The following LRPAP1 variants were observed in gnomAD, a reference collection of about 807,000 sequenced individuals.
LRPAP1 encodes the protein LDL receptor related protein associated protein 1.
In LRPAP1, 41 loss-of-function variants were observed where a neutral mutation model predicts 39.9. The ratio of observed to expected loss-of-function variants is 1.03; its 90% CI spans 0.80 to 1.33. LRPAP1 has a LOEUF of 1.33. Among genes scored for constraint, LRPAP1 ranks in the 40% most tolerant of loss-of-function variants. LRPAP1 has a pLI of 0.00. For missense variants in LRPAP1, 565 were observed against 482.3 expected, an observed-to-expected ratio of 1.17 and a Z score of -1.61; for synonymous variants, 263 against 212.7, an observed-to-expected ratio of 1.24 and a Z score of -2.06.
Position 3,507,259 on chromosome 4 carries a change from A to G in LRPAP1, c.*5715T>C, listed in dbSNP as rs2108683838. On this transcript the variant is annotated 3_prime_UTR_variant, in exon 8 of 8. Coordinates refer to ENST00000650182, the MANE Select transcript of LRPAP1 (RefSeq NM_002337.4). ...AGATTTCCAAGACCCAGTTTTTTAA[A>G]TAGGCAAAAGAATTAAGTAGGCCCT... 1 of 152,306 alleles carries G rather than the reference A, an allele frequency of 6.6e-6. No homozygotes were observed. Among genetic ancestry groups the G allele is most frequent in the South Asian group, 2.1e-4 (1 of 4,822 alleles). The allele number at this position is 152,306 out of a possible 1,614,324, so 9.4% of individuals were successfully genotyped here.
chr4:3,518,932 C>A lies in LRPAP1; in HGVS notation c.531G>T (p.Leu177=), dbSNP rs1729818693. The A allele has an allele frequency of 6.2e-7, 1 of 1,614,038 alleles. No individual in the cohort carries two copies. Among genetic ancestry groups the A allele is most frequent in the African/African-American group, 1.3e-5 (1 of 75,040 alleles). Residue 177 remains leucine (L), a synonymous_variant, in exon 4 of 8, where the codon CTG becomes CTT. Transcript: ENST00000650182. ...ACTCGTGAACTTTCTCTTTGTGATG[C>A]AGGAACTCCCGCCAGAGCTTGTCCA... ...EELDKLWREF[L]HHKEKVHEYN...
At position 3,504,052 on chromosome 4, in the gene LRPAP1, A is replaced by G. The variant is rs551505993; in HGVS notation, c.*8922T>C. On this transcript the variant is annotated 3_prime_UTR_variant, in exon 8 of 8. Transcript: ENST00000650182. ...CCAGCCCAGCCTCAGGTGAGAGTGAAGGGAGCACCTATCTGCAGCAAGCTG... is the reference window on the plus strand; with the variant it reads ...CCAGCCCAGCCTCAGGTGAGAGTGAGGGGAGCACCTATCTGCAGCAAGCTG... The G allele has an allele frequency of 6.6e-6, 1 of 152,566 alleles. No individual in the cohort carries two copies. Among genetic ancestry groups the G allele is most frequent in the South Asian group, 2.1e-4 (1 of 4,832 alleles). 9.5% of individuals were successfully genotyped at this position (152,566 alleles called of 1,614,324 possible).
chr4:3,518,974 T>C lies in LRPAP1; in HGVS notation c.489A>G (p.Lys163=), dbSNP rs778333388. Residue 163 remains lysine, a synonymous_variant, in exon 4 of 8, where the codon AAA becomes AAG. Transcript: ENST00000650182. ...KLWHKAKTSG[K]FSGEELDKLW... ...GCTTGTCCAGTTCTTCGCCGGAGAA[T>C]TTCCCAGAGGTCTTCGCCTAAGAGG... 4.3e-5 allele frequency: 70 copies of C among 1,613,902 alleles called. No homozygotes were observed. Among genetic ancestry groups the C allele is most frequent in the Non-Finnish European group, 5.4e-5 (64 of 1,179,966 alleles).
chr4:3,522,489 T>C (rs1262664760), intron 2 of LRPAP1, among the ~76,000 whole-genome samples: 1 of 69,988 alleles, frequency 1.4e-5, no homozygotes, highest in African/African-American at 4.3e-5. Flanking sequence ...CTGGGGAGGA[T>C]GAACACGGCC....
chr4:3,519,643 G>A (rs2108691001), intron 3 of LRPAP1, among the ~76,000 whole-genome samples: 1 of 152,310 alleles, frequency 6.6e-6, no homozygotes, highest in African/African-American at 2.4e-5. Flanking sequence ...GGGTCCCAGC[G>A]CCTGGCCCCG....
At position 3,505,839 on chromosome 4, in the gene LRPAP1, G is replaced by A. The variant is rs1454009105; in HGVS notation, c.*7135C>T. 3.9e-5 allele frequency among the ~76,000 whole-genome samples: 6 copies of A among 152,216 alleles called. No homozygotes were observed. Among genetic ancestry groups the A allele is most frequent in the Non-Finnish European group, 8.8e-5 (6 of 68,044 alleles). ...GAGCTGGAAGCCATCAAGTTCCTGG[G>A]TAGAGATGACCTTTCAGATGGATGC... On this transcript the variant is annotated 3_prime_UTR_variant, in exon 8 of 8. Transcript: ENST00000650182.
chr4:3,528,793 G>A (rs894985815), intron 1 of LRPAP1, among the ~76,000 whole-genome samples: 2 of 152,288 alleles, frequency 1.3e-5, no homozygotes, highest in East Asian at 1.9e-4. Context: ...GGGCACAGCC[G>A]TACCCGCCTT....
At position 3,518,071 on chromosome 4, in the gene LRPAP1, C is replaced by A; in HGVS notation, c.714G>T (p.Leu238=). The A allele has an allele frequency of 6.2e-7, 1 of 1,612,442 alleles. No homozygotes were observed. The highest frequency in any genetic ancestry group is 8.5e-7 in the Non-Finnish European group (1 of 1,179,776). ...LRSINQGLDR[L]RRVSHQGYST... is the part of the protein sequence containing the mutation. ...TGTAGCCCTGGTGGCTGACCCTGCG[C>A]AGGCGGTCCAGGCCCTGGTTGATGC... The change falls in exon 5 of 8, where the codon CTG becomes CTT. Residue 238 remains leucine, a synonymous_variant. Transcript: ENST00000650182.
At chr4:3,525,764 G>A (rs1179968769) in intron 1 of LRPAP1, among the ~76,000 whole-genome samples, 1 of 152,226 alleles carries the variant, frequency 6.6e-6, no homozygotes, top group Admixed American at 6.5e-5. Flanking sequence ...CTGGGACCCT[G>A]GGTGAGAGAA....
intron 1 of LRPAP1, among the ~76,000 whole-genome samples, chr4:3,526,089 C>T (rs1006360353): frequency 6.6e-6 from 1 of 152,260 alleles, no homozygotes; most frequent in African/African-American, 2.4e-5. Context: ...GGTGCTGTCC[C>T]TGGCTAACTG....
intron 2 of LRPAP1, among the ~76,000 whole-genome samples, chr4:3,520,742 C>A (rs1387517502): frequency 6.6e-6 from 1 of 152,238 alleles, no homozygotes; most frequent in Non-Finnish European, 1.5e-5. Context: ...GGAGAAACGT[C>A]AGTGTCAGCA....
intron 2 of LRPAP1, among the ~76,000 whole-genome samples, chr4:3,524,021 G>C (rs948683710): frequency 6.6e-6 from 1 of 152,184 alleles, no homozygotes; most frequent in Non-Finnish European, 1.5e-5. Flanking sequence ...AGGGGCAGCA[G>C]TTGGGTGGAG....
chr4:3,525,222 A>C, intron 1 of LRPAP1, 171 bp from the exon 2 acceptor site: 1 of 680,382 alleles, frequency 1.5e-6, no homozygotes, highest in Non-Finnish European at 2.6e-6. Context: ...ACAAGAACTC[A>C]ACATGGACAC....
At chr4:3,532,122 G>A in intron 1 of LRPAP1, 87 bp downstream of exon 1, 2 of 1,388,974 alleles carry the variant, frequency 1.4e-6, no homozygotes, top group Non-Finnish European at 2.0e-6. Flanking sequence ...GCCCCCCTCC[G>A]CCTCCGACCC....
At chr4:3,528,304 G>A (rs553516415) in intron 1 of LRPAP1, among the ~76,000 whole-genome samples, 5 of 152,184 alleles carry the variant, frequency 3.3e-5, no homozygotes, top group Non-Finnish European at 7.3e-5. Context: ...AAACGACGCC[G>A]GTCCTGTGTC....
At chr4:3,531,670 A>C (rs1286415538) in intron 1 of LRPAP1, among the ~76,000 whole-genome samples, 1 of 152,204 alleles carries the variant, frequency 6.6e-6, no homozygotes, top group Non-Finnish European at 1.5e-5. Context: ...CGCCCTGTTA[A>C]GACTGACTTT....
chr4:3,513,155 T>C, intron 7 of LRPAP1, 119 bp from the exon 8 acceptor site: 1 of 716,978 alleles, frequency 1.4e-6, no homozygotes, highest in Non-Finnish European at 2.4e-6. Context: ...CCTGCACATC[T>C]GACTTTCCAA....
At chr4:3,528,918 G>T (rs551222726) in intron 1 of LRPAP1, among the ~76,000 whole-genome samples, 1 of 152,344 alleles carries the variant, frequency 6.6e-6, no homozygotes, top group Non-Finnish European at 1.5e-5. Context: ...GAGAGCTGGG[G>T]TGGGGCTCTG....
intron 2 of LRPAP1, among the ~76,000 whole-genome samples, chr4:3,522,800 G>A (rs894813880): frequency 1.3e-5 from 2 of 152,122 alleles, no homozygotes; most frequent in Admixed American, 6.5e-5. Flanking sequence ...GGACAGGAGC[G>A]AACCCCAGAG....
Sources: gnomAD v4.1 joint callset for allele counts (sites outside exome capture counted in the v4.1 genomes callset) on GRCh38, gnomAD v4.1.1 for gene constraint, MANE v1.5 for transcripts, NCBI Gene and HGNC (gene_info 2026-07-23, HGNC 2026-07-21) for gene names.